Variants in TMEM9 observed in about 807,000 individuals in gnomAD.
TMEM9 encodes the protein transmembrane protein 9.
A neutral mutation model predicts 22.8 loss-of-function variants in TMEM9; 13 were observed. That is an observed-to-expected ratio of 0.57 (90% CI 0.37 to 0.91). TMEM9 has a LOEUF of 0.91. TMEM9 is among the 40% of genes least tolerant of loss of function. The pLI is 0.01. For missense variants in TMEM9, 182 were observed against 238.1 expected, an observed-to-expected ratio of 0.76 and a Z score of 1.55; for synonymous variants, 88 against 93.0, an observed-to-expected ratio of 0.95 and a Z score of 0.31.
At chr1:201,139,399 C>T (rs1277570818) in intron 4 of TMEM9, among the ~76,000 whole-genome samples, 3 of 152,204 alleles carry the variant, frequency 2.0e-5, no homozygotes, top group Admixed American at 6.5e-5. Context: ...TGCTGAGTCC[C>T]ACTGCACCTC....
At chr1:201,149,480 C>T (rs966484284) in intron 2 of TMEM9, among the ~76,000 whole-genome samples, 2 of 152,180 alleles carry the variant, frequency 1.3e-5, no homozygotes, top group East Asian at 3.8e-4. Flanking sequence ...CAGTGCTTTC[C>T]TGCTCTGGGA....
upstream of TMEM9, among the ~76,000 whole-genome samples, chr1:201,158,860 C>A (rs191924836): frequency 1.3e-5 from 2 of 152,254 alleles, 1 homozygote; most frequent in Admixed American, 1.3e-4. Flanking sequence ...GAGGCGAGGT[C>A]TTGGCATCCG....
At chr1:201,169,581 T>A (rs1417959370) in intron 1 of TMEM9, among the ~76,000 whole-genome samples, 1 of 152,124 alleles carries the variant, frequency 6.6e-6, no homozygotes, top group African/African-American at 2.4e-5. Flanking sequence ...AACATTGTCC[T>A]GGGAAAGAAA....
chr1:201,140,696 T>C (rs942708), intron 4 of TMEM9, among the ~76,000 whole-genome samples: 143,541 of 152,246 alleles, frequency 0.94, 67,712 homozygotes, highest in South Asian at 0.96. Context: ...GTCCCAGACT[T>C]CTGGGGCGTA....
intron 2 of TMEM9, among the ~76,000 whole-genome samples, chr1:201,148,871 C>G (rs1213942134): frequency 6.6e-6 from 1 of 151,408 alleles, no homozygotes; most frequent in Non-Finnish European, 1.5e-5. Flanking sequence ...TGCTTTCAGG[C>G]CTTGCATGCT....
intron 1 of TMEM9, among the ~76,000 whole-genome samples, chr1:201,162,666 G>A (rs1021457647): frequency 1.3e-5 from 2 of 151,938 alleles, no homozygotes; most frequent in Non-Finnish European, 2.9e-5. Flanking sequence ...GAAAATTATT[G>A]GAATCTAGGG....
chr1:201,147,381 G>A (rs772268447), intron 2 of TMEM9, among the ~76,000 whole-genome samples: 7 of 152,074 alleles, frequency 4.6e-5, no homozygotes, highest in Non-Finnish European at 8.8e-5. Flanking sequence ...CACTTCTACC[G>A]TCCACTTCAC....
chr1:201,153,355 G>C (rs1665579667), intron 1 of TMEM9, among the ~76,000 whole-genome samples: 1 of 152,214 alleles, frequency 6.6e-6, no homozygotes, highest in Admixed American at 6.5e-5. Flanking sequence ...TGATGGTTCA[G>C]TGTAGATAAA....
chr1:201,147,196 G>A (rs116004244), intron 2 of TMEM9, among the ~76,000 whole-genome samples: 128 of 152,256 alleles, frequency 8.4e-4, no homozygotes, highest in African/African-American at 3.0e-3. Context: ...CAACTCAGAA[G>A]CTGACGGATC....
intron 4 of TMEM9, among the ~76,000 whole-genome samples, chr1:201,139,254 C>T (rs1664290367): frequency 6.6e-6 from 1 of 152,196 alleles, no homozygotes; most frequent in Admixed American, 6.5e-5. Flanking sequence ...CAATCCCAGG[C>T]ACAGGAGCAT....
chr1:201,136,044 G>A (rs552091634), intron 4 of TMEM9, among the ~76,000 whole-genome samples: 2 of 152,286 alleles, frequency 1.3e-5, no homozygotes, highest in African/African-American at 2.4e-5. Flanking sequence ...TCTGCAGGAT[G>A]GGGCCCCTGC....
At position 201,170,902 on chromosome 1, in the gene TMEM9, C is replaced by T. The variant is rs922341585; in HGVS notation, c.-37+588G>A. Among the ~76,000 whole-genome samples the T allele has an allele frequency of 3.0e-4, 46 of 152,350 alleles. 1 individual carries two copies. The highest frequency in any genetic ancestry group is 9.9e-4 in the African/African-American group (41 of 41,600). ...CGGGAGGCTCCACTCCGGGTCCAGG[C>T]CGCCTGGGGCGTTTGCAGTCCTCTG... On this transcript the variant is annotated intron_variant, in intron 1 of 5. Transcript: ENST00000367333.
chr1:201,154,220 G>A lies in TMEM9; in HGVS notation c.-297C>T, dbSNP rs1665669440. The stretch of plus-strand genomic sequence containing the variant: ...GCCTCCAGTTCCTTCTCAAGGCCCG[G>A]CTCTGACCCGCGCATCACGTCCCAC... On this transcript the variant is annotated 5_prime_UTR_variant, in exon 1 of 5. Coordinates refer to ENST00000367330, the MANE Select transcript of TMEM9 (RefSeq NM_001288565.2). 1 of 317,778 alleles carries A rather than the reference G, an allele frequency of 3.1e-6. No individual in the cohort carries two copies. The highest frequency in any genetic ancestry group is 5.9e-6 in the Non-Finnish European group (1 of 170,336). 19.7% of individuals were successfully genotyped at this position (317,778 alleles called of 1,614,324 possible). A position where few individuals can be genotyped will look rare whatever the true frequency, so the allele number is the denominator to read the frequency against.
chr1:201,150,725 A>G (rs1447519317), intron 2 of TMEM9, among the ~76,000 whole-genome samples: 3 of 152,296 alleles, frequency 2.0e-5, no homozygotes, highest in Non-Finnish European at 4.4e-5. Flanking sequence ...CCTAAGCACC[A>G]AAGGAAAGAA....
chr1:201,162,220 A>C (rs907244306), intron 1 of TMEM9, among the ~76,000 whole-genome samples: 2 of 151,834 alleles, frequency 1.3e-5, no homozygotes, highest in Non-Finnish European at 2.9e-5. Flanking sequence ...CCCAGGCACA[A>C]TCATGGCTCA....
rs1663906685 is a variant in TMEM9, at chr1:201,135,499, A to G, written c.*164T>C. On this transcript the variant is annotated 3_prime_UTR_variant, in exon 5 of 5. Coordinates refer to ENST00000367330, the MANE Select transcript of TMEM9 (RefSeq NM_001288565.2). ...CACATCCCTCTTCCCTAATCAAAATAGCCAAGTACAACATTTCTAAAGTTA... is the reference window on the plus strand; with the variant it reads ...CACATCCCTCTTCCCTAATCAAAATGGCCAAGTACAACATTTCTAAAGTTA... The G allele has an allele frequency of 4.4e-6, 3 of 676,324 alleles. No homozygotes were observed. The South Asian group carries it at 8.1e-5, about 18-fold the overall frequency. 41.9% of individuals were successfully genotyped at this position (676,324 alleles called of 1,614,324 possible). A position where few individuals can be genotyped will look rare whatever the true frequency, so the allele number is the denominator to read the frequency against.
intron 1 of TMEM9, among the ~76,000 whole-genome samples, chr1:201,169,305 T>C (rs1666156408): frequency 6.6e-6 from 1 of 152,174 alleles, no homozygotes; most frequent in Non-Finnish European, 1.5e-5. Context: ...AGTACGAGTG[T>C]AACGTGACTG....
At chr1:201,138,291 T>A (rs999684300) in intron 4 of TMEM9, among the ~76,000 whole-genome samples, 3 of 152,216 alleles carry the variant, frequency 2.0e-5, no homozygotes, top group Admixed American at 6.5e-5. Flanking sequence ...CACAGTATCA[T>A]TTGTTTTCCC....
At chr1:201,160,474 A>G (rs1453364823) in intron 1 of TMEM9, among the ~76,000 whole-genome samples, 1 of 152,084 alleles carries the variant, frequency 6.6e-6, no homozygotes, top group Non-Finnish European at 1.5e-5. Context: ...CTGTAATCCC[A>G]GGTACTCAGG....
Sources: gnomAD v4.1 joint callset for allele counts (sites outside exome capture counted in the v4.1 genomes callset) on GRCh38, gnomAD v4.1.1 for gene constraint, MANE v1.5 for transcripts, NCBI Gene and HGNC (gene_info 2026-07-23, HGNC 2026-07-21) for gene names.